The following ADGRL1 variants were observed in gnomAD, a reference collection of about 807,000 sequenced individuals.
ADGRL1 encodes the protein adhesion G protein-coupled receptor L1, also known as CIRL-1.
A neutral mutation model predicts 148.9 loss-of-function variants in ADGRL1; 31 were observed. The observed-to-expected ratio is 0.21, with a 90% CI of 0.16 to 0.28. The LOEUF (loss-of-function observed/expected upper bound fraction) is 0.28, where lower values mean the gene tolerates loss of function less well. Among genes scored for constraint, ADGRL1 ranks in the 10% least tolerant of loss-of-function variants. The probability of loss-of-function intolerance (pLI) is 1.00; values close to 1 mark genes in which losing one functional copy is unlikely to be tolerated. For missense variants in ADGRL1, 1,521 were observed against 2,058.8 expected, an observed-to-expected ratio of 0.74 and a Z score of 5.05; for synonymous variants, 937 against 900.3, an observed-to-expected ratio of 1.04 and a Z score of -0.73.
Position 14,161,755 on chromosome 19 carries a change from A to C in ADGRL1, c.1196-129T>G, listed in dbSNP as rs1969411901. 1.3e-5 allele frequency: 8 copies of C among 628,820 alleles called. No homozygotes were observed. In the East Asian group the frequency reaches 2.4e-4, roughly 19 times the overall value. The allele number at this position is 628,820 out of a possible 1,614,324, so 39.0% of individuals were successfully genotyped here. A position where few individuals can be genotyped will look rare whatever the true frequency, so the allele number is the denominator to read the frequency against. On this transcript the variant is annotated intron_variant, in intron 5 of 22. Transcript: ENST00000361434. This position sits in a 1 kb window ranked among gnomAD's most constrained non-coding sequence, Gnocchi z 4.4. Reference sequence around the variant, plus strand: ...GAAGTGGAAACACGTGCCGGGCCCCACTGGGTCTATGAGTTGATCTCCCCT... The same window carrying C: ...GAAGTGGAAACACGTGCCGGGCCCCCCTGGGTCTATGAGTTGATCTCCCCT...
intron 1 of ADGRL1, among the ~76,000 whole-genome samples, chr19:14,203,059 A>G (rs1483864047): frequency 6.6e-6 from 1 of 151,906 alleles, no homozygotes; most frequent in African/African-American, 2.4e-5. Context: ...CTCCCCTTCC[A>G]TCAGGGTGCC....
chr19:14,155,680 C>T lies in ADGRL1; in HGVS notation c.3126-153G>A. ...GCCGAGTGGGCCTTGGGGGCAGTGG[C>T]CTGCCCAGGACACCTCCACCGGAGC... is the stretch of plus-strand genomic sequence containing the variant. On this transcript the variant is annotated intron_variant, in intron 17 of 22. Transcript: ENST00000361434. This position sits in a 1 kb window ranked among gnomAD's most constrained non-coding sequence, Gnocchi z 5.0. 1.4e-6 allele frequency: 1 copy of T among 697,418 alleles called. No homozygotes were observed. Among genetic ancestry groups the T allele is most frequent in the Non-Finnish European group, 2.4e-6 (1 of 423,046 alleles). The allele number at this position is 697,418 out of a possible 1,614,324, so 43.2% of individuals were successfully genotyped here.
intron 1 of ADGRL1, among the ~76,000 whole-genome samples, chr19:14,202,499 C>T (rs1413505233): frequency 2.0e-5 from 3 of 152,074 alleles, no homozygotes; most frequent in South Asian, 4.1e-4. Context: ...GTGATCCACC[C>T]GCCTCAGCCT....
chr19:14,175,474 TCACACC>T (rs1970759142), intron 3 of ADGRL1, among the ~76,000 whole-genome samples: 1 of 146,056 alleles, frequency 6.8e-6, no homozygotes, highest in African/African-American at 2.6e-5. Context: ...ACACACATGC[TCACACC>T]CACACCCGCT....
In ADGRL1 at chr19:14,162,830, C is replaced by T. The variant is rs375637460; in HGVS notation, c.971G>A (p.Arg324His). Reference sequence around the variant, plus strand: ...GCTGTCATCATCCACGTACACGGAACGCAGGACGTACAGGACCCCACACAC... The same window carrying T: ...GCTGTCATCATCCACGTACACGGAATGCAGGACGTACAGGACCCCACACAC... ...FMVCGVLYVL[R>H]SVYVDDDSEA... Residue 324 changes from arginine (R) to histidine (H), a missense_variant, in exon 5 of 23, where the codon CGT (arginine) becomes CAT (histidine). Transcript: ENST00000361434. This position sits in a 1 kb window ranked among gnomAD's most constrained non-coding sequence, Gnocchi z 5.4. 26 of 1,613,848 alleles carry T rather than the reference C, an allele frequency of 1.6e-5. No individual in the cohort carries two copies. In the African/African-American group the frequency reaches 1.7e-4, roughly 11 times the overall value.
intron 1 of ADGRL1, among the ~76,000 whole-genome samples, chr19:14,199,424 T>G (rs1268533375): frequency 6.6e-6 from 1 of 150,924 alleles, no homozygotes; most frequent in African/African-American, 2.4e-5. Context: ...GGAGTGTGTG[T>G]GTTTTTTTTT....
chr19:14,204,006 G>A (rs550235792), intron 1 of ADGRL1, among the ~76,000 whole-genome samples: 3 of 151,442 alleles, frequency 2.0e-5, no homozygotes, highest in East Asian at 3.9e-4. Flanking sequence ...ACATGTGAGC[G>A]CACACGTATG....
At chr19:14,199,532 C>T (rs576406258) in intron 1 of ADGRL1, among the ~76,000 whole-genome samples, 2 of 151,854 alleles carry the variant, frequency 1.3e-5, no homozygotes, top group Non-Finnish European at 2.9e-5. Flanking sequence ...TCAAGGGATC[C>T]TCCTGCCTCA....
chr19:14,205,317 G>T (rs1386329694), intron 1 of ADGRL1, among the ~76,000 whole-genome samples: 1 of 151,958 alleles, frequency 6.6e-6, no homozygotes, highest in East Asian at 1.9e-4. Context: ...GGCCTCCCGT[G>T]CTTTAACCCG....
chr19:14,159,017 G>A lies in ADGRL1; in HGVS notation c.2149+73C>T. 6.3e-7 allele frequency: 1 copy of A among 1,578,870 alleles called. No homozygotes were observed. The highest frequency in any genetic ancestry group is 8.6e-7 in the Non-Finnish European group (1 of 1,156,408). On this transcript the variant is annotated intron_variant, in intron 11 of 22. Transcript: ENST00000361434. This position sits in a 1 kb window ranked among gnomAD's most constrained non-coding sequence, Gnocchi z 6.0. The stretch of plus-strand genomic sequence containing the variant: ...ACCGCTGCCCTCTACAAATGGCACA[G>A]AGACGCTGGCACAGAGCTGGGGGGT...
chr19:14,205,769 C>CCT, intron 1 of ADGRL1, among the ~76,000 whole-genome samples: 1 of 151,558 alleles, frequency 6.6e-6, no homozygotes, highest in Non-Finnish European at 1.5e-5. Flanking sequence ...GGGGGCCGCC[C>CCT]CTCCCAGGCC....
Position 14,194,487 on chromosome 19 carries a change from C to T in ADGRL1, c.-95-10790G>A, listed in dbSNP as rs567119915. Among the ~76,000 whole-genome samples, 36 of 152,324 alleles carry T rather than the reference C, an allele frequency of 2.4e-4. No homozygotes were observed. In the South Asian group the frequency reaches 5.8e-3, roughly 25 times the overall value. On this transcript the variant is annotated intron_variant, in intron 1 of 22. Transcript: ENST00000361434. ...TGACGGACAGCTCCAAGTGCCAGCC[C>T]GAGCAGCTTCCACGTGTAACTCATG...
In ADGRL1 at chr19:14,157,333, T is replaced by C. The variant is rs200588115; in HGVS notation, c.2663A>G (p.Asn888Ser). The stretch of plus-strand genomic sequence containing the variant: ...GATGCACAGGTTCTTGTGGATGGTG[T>C]TGCGGTCGGTCTGCAGCCCCCGCAG... ...CFLRGLQTDRNTIHKNLCINL... is the reference protein window; with the variant it reads ...CFLRGLQTDRSTIHKNLCINL... The change falls in exon 14 of 23, where the codon AAC (asparagine) becomes AGC (serine). Residue 888 changes from asparagine (N) to serine (S), a missense_variant. Coordinates refer to ENST00000361434, the MANE Select transcript of ADGRL1 (RefSeq NM_014921.5). The surrounding 1 kb of genome is among the most constrained non-coding windows in gnomAD (Gnocchi z 7.5). The C allele has an allele frequency of 9.3e-6, 15 of 1,614,160 alleles. No homozygotes were observed. The highest frequency in any genetic ancestry group is 3.3e-5 in the Admixed American group (2 of 60,028).
chr19:14,156,125 C>A lies in ADGRL1; in HGVS notation c.3110G>T (p.Arg1037Leu). The A allele has an allele frequency of 6.2e-7, 1 of 1,611,086 alleles. No homozygotes were observed. Among genetic ancestry groups the A allele is most frequent in the Non-Finnish European group, 8.5e-7 (1 of 1,179,018 alleles). ...SSSVLKPDSS[R>L]LDNIKSWALG... ...CGAGGCTCACTTAATGTTGTCCAGG[C>A]GGCTGGAGTCGGGCTTGAGCACAGA... Residue 1037 changes from arginine (R) to leucine (L), a missense_variant, in exon 17 of 23, where the codon CGC becomes CTC. Around this residue, in one of 8 missense-constraint regions of ADGRL1, gnomAD observed 185 missense variants for 251.7 expected, o/e 0.74. Transcript: ENST00000361434.
Position 14,161,642 on chromosome 19 carries a change from G to C in ADGRL1, c.1196-16C>G. ...GTGGCTGGGCCTGGAGAGGGGATAC[G>C]AGACAGGGTCATCCCCATGCTCAGG... On this transcript the variant is annotated splice_polypyrimidine_tract_variant and intron_variant, in intron 5 of 22. Transcript: ENST00000361434. The surrounding 1 kb of genome is among the most constrained non-coding windows in gnomAD (Gnocchi z 4.4). The C allele has an allele frequency of 7.2e-6, 10 of 1,389,408 alleles. No homozygotes were observed. The highest frequency in any genetic ancestry group is 9.3e-6 in the Non-Finnish European group (10 of 1,075,278). The allele number at this position is 1,389,408 out of a possible 1,614,324, so 86.1% of individuals were successfully genotyped here.
Position 14,160,326 on chromosome 19 carries a change from A to G in ADGRL1, c.1615-29T>C, listed in dbSNP as rs1020466219. The G allele has an allele frequency of 1.3e-6, 2 of 1,569,004 alleles. No homozygotes were observed. Among genetic ancestry groups the G allele is most frequent in the African/African-American group, 1.3e-5 (1 of 74,174 alleles). On this transcript the variant is annotated intron_variant, in intron 7 of 22. Transcript: ENST00000361434. This position sits in a 1 kb window ranked among gnomAD's most constrained non-coding sequence, Gnocchi z 5.9. ...CATGAGGTGGGGGCGGGAAGGGGGA[A>G]TCCCAGGACTGTCAGGGACCATCCT...
rs756872088 is a variant in ADGRL1, at chr19:14,151,607, A to G, written c.3676T>C (p.Leu1226=). 15 of 1,598,440 alleles carry G rather than the reference A, an allele frequency of 9.4e-6. No homozygotes were observed. The highest frequency in any genetic ancestry group is 1.3e-5 in the Non-Finnish European group (15 of 1,176,934). Residue 1226 remains leucine, a synonymous_variant, in exon 23 of 23, where the codon TTG becomes CTG. Transcript: ENST00000361434. ...PGSYREPKHP[L]GGREACGMDT... ...ATGCCACAGGCTTCCCGGCCTCCCA[A>G]GGGGTGCTCTGCAGGGCAGAAAGGG... is the stretch of plus-strand genomic sequence containing the variant.
intron 1 of ADGRL1, among the ~76,000 whole-genome samples, chr19:14,196,390 G>A (rs774076365): frequency 1.3e-5 from 2 of 152,250 alleles, no homozygotes; most frequent in Non-Finnish European, 2.9e-5. Flanking sequence ...AGGCTGAAGA[G>A]GGCTGATTGC....
intron 16 of ADGRL1, 147 bp from the exon 17 acceptor site, chr19:14,156,348 T>C (rs967312405): frequency 1.3e-5 from 9 of 675,324 alleles, no homozygotes; most frequent in Non-Finnish European, 1.8e-5. Context: ...AGGTGCCCGC[T>C]GTGCAGCGGT....
Sources: gnomAD v4.1 joint callset for allele counts (sites outside exome capture counted in the v4.1 genomes callset) on GRCh38, gnomAD v4.1.1 for gene constraint, gnomAD v4.1.1 regional missense constraint, Gnocchi (gnomAD v3.1) non-coding constraint, MANE v1.5 for transcripts, NCBI Gene and HGNC (gene_info 2026-07-23, HGNC 2026-07-21) for gene names.